Variants in CAST observed in about 807,000 individuals in gnomAD.
CAST encodes calpastatin.
In CAST, 76 loss-of-function variants were observed where a neutral mutation model predicts 119.6. The observed-to-expected ratio is 0.64, with a 90% CI of 0.53 to 0.77. CAST has a LOEUF of 0.77. Ranked by LOEUF, CAST falls within the 30% of genes least tolerant of loss-of-function variation. The pLI is 0.00. For missense variants in CAST, 953 were observed against 946.5 expected (o/e 1.01, Z -0.09); for synonymous variants, 319 against 331.6 (o/e 0.96, Z 0.41).
At chr5:96,036,364 A>G in the CAST span, among the ~76,000 whole-genome samples, 1 of 152,124 alleles carries the variant, frequency 6.6e-6, no homozygotes, top group Admixed American at 6.6e-5. Context: ...ACCAGATAAG[A>G]CTATGGACTG....
the CAST span, among the ~76,000 whole-genome samples, chr5:96,018,167 CAT>C: frequency 4.5e-4 from 68 of 152,332 alleles, no homozygotes; most frequent in African/African-American, 6.5e-4. Context: ...ACATCCAACA[CAT>C]GTTTGCAAAT....
At chr5:95,997,112 C>T in the CAST span, among the ~76,000 whole-genome samples, 57 of 152,250 alleles carry the variant, frequency 3.7e-4, no homozygotes, top group African/African-American at 1.3e-3. Context: ...CTCTAAGGGT[C>T]AAACTTTTGA....
intron 25 of CAST, chr5:96,763,290 T>A: frequency 1.3e-6 from 1 of 780,110 alleles, no homozygotes; most frequent in Non-Finnish European, 2.4e-6. Flanking sequence ...GCTCTACCAT[T>A]AGCAGCTATA....
chr5:96,585,818 T>G (rs1746849471), intron 1 of CAST, among the ~76,000 whole-genome samples: 1 of 152,246 alleles, frequency 6.6e-6, no homozygotes, highest in African/African-American at 2.4e-5. Flanking sequence ...GCAATGGTTT[T>G]TGAAAAGATA....
At chr5:96,191,671 G>A in the CAST span, among the ~76,000 whole-genome samples, 1 of 152,210 alleles carries the variant, frequency 6.6e-6, no homozygotes, top group Non-Finnish European at 1.5e-5. Flanking sequence ...CCAGGTTCAA[G>A]CGACTCTTCT....
the CAST span, chr5:96,432,279 A>C: frequency 1.4e-6 from 1 of 691,334 alleles, no homozygotes; most frequent in Non-Finnish European, 2.4e-6. Context: ...CCAGCTTCCC[A>C]GGCTACTCCG....
intron 1 of CAST, among the ~76,000 whole-genome samples, chr5:96,674,361 C>T (rs920098612): frequency 4.0e-5 from 6 of 151,130 alleles, no homozygotes; most frequent in African/African-American, 1.2e-4. Context: ...GATAATTTCA[C>T]TGACCTATAT....
the CAST span, among the ~76,000 whole-genome samples, chr5:96,083,091 G>A: frequency 6.6e-6 from 1 of 152,180 alleles, no homozygotes; most frequent in East Asian, 1.9e-4. Flanking sequence ...CACTTAGTGG[G>A]AGAAGAAATT....
At chr5:96,079,004 GT>G in the CAST span, 2 of 405,706 alleles carry the variant, frequency 4.9e-6, no homozygotes. Context: ...TAATACCTGG[GT>G]GATGAAATAA....
the CAST span, among the ~76,000 whole-genome samples, chr5:96,007,122 TGA>T: frequency 6.6e-6 from 1 of 152,200 alleles, no homozygotes; most frequent in African/African-American, 2.4e-5. Flanking sequence ...TTCAATTAAT[TGA>T]CCAGTTTGCT....
chr5:96,009,901 T>C, the CAST span, among the ~76,000 whole-genome samples: 1 of 152,200 alleles, frequency 6.6e-6, no homozygotes, highest in Non-Finnish European at 1.5e-5. Flanking sequence ...TTATAGGTTT[T>C]CTTCTAGTAT....
the CAST span, among the ~76,000 whole-genome samples, chr5:96,279,193 C>T: frequency 6.6e-6 from 1 of 152,260 alleles, no homozygotes; most frequent in Middle Eastern, 3.4e-3. Flanking sequence ...CTCCAGGAGC[C>T]TCTGTTTGCC....
chr5:96,592,987 G>A (rs972828999), intron 1 of CAST, among the ~76,000 whole-genome samples: 21 of 152,162 alleles, frequency 1.4e-4, no homozygotes, highest in Admixed American at 6.5e-4. Flanking sequence ...GGATGGTCTC[G>A]ATCTCCTGAC....
the CAST span, among the ~76,000 whole-genome samples, chr5:96,115,612 C>T: frequency 1.3e-5 from 2 of 152,306 alleles, no homozygotes; most frequent in South Asian, 4.1e-4. Context: ...CAGACACTCA[C>T]TCAATAAAGG....
At chr5:96,377,549 A>G in the CAST span, among the ~76,000 whole-genome samples, 2 of 152,140 alleles carry the variant, frequency 1.3e-5, no homozygotes, top group African/African-American at 4.8e-5. Flanking sequence ...ATATTCTACA[A>G]CTTTGTAGCC....
the CAST span, among the ~76,000 whole-genome samples, chr5:96,307,289 C>G: frequency 6.6e-6 from 1 of 151,732 alleles, no homozygotes; most frequent in Non-Finnish European, 1.5e-5. Flanking sequence ...TCTTTTTTTG[C>G]CTTCCATGTT....
the CAST span, among the ~76,000 whole-genome samples, chr5:96,385,579 T>A: frequency 4.2e-4 from 64 of 152,216 alleles, 1 homozygote; most frequent in Non-Finnish European, 7.5e-4. Flanking sequence ...TCATGAATTA[T>A]CATTGTGAAA....
At chr5:96,307,880 T>C in the CAST span, among the ~76,000 whole-genome samples, 1 of 152,210 alleles carries the variant, frequency 6.6e-6, no homozygotes, top group Non-Finnish European at 1.5e-5. Flanking sequence ...TGACTGCCCT[T>C]AAAATTTTTT....
the CAST span, among the ~76,000 whole-genome samples, chr5:96,007,385 A>C: frequency 6.6e-6 from 1 of 152,212 alleles, no homozygotes; most frequent in Non-Finnish European, 1.5e-5. Flanking sequence ...AGAATGACTA[A>C]ATAAATTTCA....
Sources: gnomAD v4.1 joint callset for allele counts (sites outside exome capture counted in the v4.1 genomes callset) on GRCh38, gnomAD v4.1.1 for gene constraint, MANE v1.5 for transcripts, NCBI Gene and HGNC (gene_info 2026-07-23, HGNC 2026-07-21) for gene names.